The following HAUS8 variants were observed in gnomAD, a reference collection of about 807,000 sequenced individuals.
The protein encoded by HAUS8 is HAUS augmin like complex subunit 8, also known as HAUS augmin-like complex subunit 8.
HAUS8 carries 38 observed loss-of-function variants against 42.9 expected under a neutral mutation model. The observed-to-expected ratio is 0.89, with a 90% CI of 0.68 to 1.16. HAUS8 has a LOEUF of 1.16. HAUS8 is among the 50% of genes most tolerant of loss of function. The pLI is 0.00. For synonymous variants in HAUS8, 199 were observed against 205.8 expected (o/e 0.97, Z 0.28); for missense variants, 494 against 511.6 (o/e 0.97, Z 0.33).
chr19:17,050,072 C>T lies in HAUS8; in HGVS notation c.1034G>A (p.Arg345Gln), dbSNP rs768831665. The T allele has an allele frequency of 7.5e-6, 12 of 1,603,768 alleles. No homozygotes were observed. The highest frequency in any genetic ancestry group is 5.6e-5 in the South Asian group (5 of 89,750). The stretch of plus-strand genomic sequence containing the variant: ...GGCACTGTCTTGATTGAAATACCAC[C>T]GGCTGGGGGGCGCCATGCCCTGGGT... ...EETQGMAPPS[R>Q]WYFNQDSACR... is the part of the protein sequence containing the mutation. The change falls in exon 11 of 11, where the codon CGG becomes CAG. Residue 345 changes from arginine to glutamine, a missense_variant. Arg to Gln is a conservative substitution (Grantham distance 43, BLOSUM62 1). Transcript: ENST00000253669.
intron 10 of HAUS8, among the ~76,000 whole-genome samples, chr19:17,051,411 T>C (rs1241766463): frequency 6.7e-6 from 1 of 149,406 alleles, no homozygotes; most frequent in Non-Finnish European, 1.5e-5. Context: ...CGGGGGGAGA[T>C]CTTGATGGGT....
rs749416737 is a variant in HAUS8 at position 17,069,085 on chromosome 19, A to G, written c.93T>C (p.Gly31=). ...GATACCGGGACTCAATCACTCTTCC[A>G]CCTGTGGGGACACACTGTTGGTGCA... ...SAKKKDKRVQ[G]GRVIESRYLQ... Residue 31 remains glycine (G), a splice_region_variant and synonymous_variant, in exon 3 of 11, where the codon GGT becomes GGC. Coordinates refer to ENST00000253669, the MANE Select transcript of HAUS8 (RefSeq NM_033417.2). The G allele has an allele frequency of 2.7e-5, 44 of 1,612,534 alleles. No homozygotes were observed. The highest frequency in any genetic ancestry group is 3.6e-5 in the Non-Finnish European group (43 of 1,179,314).
intron 3 of HAUS8, among the ~76,000 whole-genome samples, chr19:17,065,960 T>C (rs571706333): frequency 1.5e-5 from 2 of 134,522 alleles, no homozygotes; most frequent in Admixed American, 8.2e-5. Flanking sequence ...ACTCTACACA[T>C]CTCTTATCTT....
At chr19:17,072,618 GC>G (rs2057434129) in intron 2 of HAUS8, among the ~76,000 whole-genome samples, 4 of 151,990 alleles carry the variant, frequency 2.6e-5, no homozygotes, top group Admixed American at 1.3e-4. Flanking sequence ...GGGATTACAG[GC>G]GTGAGCCACC....
At chr19:17,068,365 C>T (rs1401626569) in intron 3 of HAUS8, among the ~76,000 whole-genome samples, 4 of 152,090 alleles carry the variant, frequency 2.6e-5, no homozygotes, top group Non-Finnish European at 4.4e-5. Context: ...CCGCCCACCT[C>T]GGCCTCCCAA....
intron 3 of HAUS8, among the ~76,000 whole-genome samples, chr19:17,065,064 A>G (rs1203154718): frequency 6.6e-6 from 1 of 152,256 alleles, no homozygotes; most frequent in Non-Finnish European, 1.5e-5. Context: ...GCAAAGATAC[A>G]GGAATGGCAA....
At chr19:17,075,142 T>C (rs1386263420) in intron 1 of HAUS8, 6 of 552,814 alleles carry the variant, frequency 1.1e-5, no homozygotes, top group African/African-American at 7.6e-5. Context: ...AGCGAGGCAC[T>C]GGGCGGTCAG....
At chr19:17,075,184 C>G (rs1320104756) in intron 1 of HAUS8, 1 of 563,490 alleles carries the variant, frequency 1.8e-6, no homozygotes, top group African/African-American at 1.9e-5. Flanking sequence ...AGCGTCCCAG[C>G]CGAGGACGCG....
Position 17,059,411 on chromosome 19 carries a change from C to T in HAUS8, c.420+146G>A, listed in dbSNP as rs1012105414. 6.4e-6 allele frequency: 4 copies of T among 622,172 alleles called. No individual in the cohort carries two copies. The African/African-American group carries it at 7.4e-5, about 11-fold the overall frequency. 38.5% of individuals were successfully genotyped at this position (622,172 alleles called of 1,614,324 possible). A position where few individuals can be genotyped will look rare whatever the true frequency, so the allele number is the denominator to read the frequency against. On this transcript the variant is annotated intron_variant, in intron 6 of 10. Coordinates refer to ENST00000253669, the MANE Select transcript of HAUS8 (RefSeq NM_033417.2). ...GTAAACTCTACAAATGATCTAAGAA[C>T]ATCTGTAGTCTTGATTTTTGTCCTA...
intron 4 of HAUS8, among the ~76,000 whole-genome samples, chr19:17,061,035 A>C (rs1249413836): frequency 6.6e-6 from 1 of 152,208 alleles, no homozygotes; most frequent in Non-Finnish European, 1.5e-5. Flanking sequence ...TTGTGTTGAA[A>C]TTCTTAAAAA....
At chr19:17,065,878 A>G (rs1486757121) in intron 3 of HAUS8, among the ~76,000 whole-genome samples, 1 of 151,240 alleles carries the variant, frequency 6.6e-6, no homozygotes, top group Non-Finnish European at 1.5e-5. Context: ...GATAGCTAAC[A>G]CGTGGAGATT....
Position 17,049,981 on chromosome 19 carries a change from C to T in HAUS8, c.1125G>A (p.Ser375=), listed in dbSNP as rs1488584685. The T allele has an allele frequency of 2.2e-5, 35 of 1,600,560 alleles. No individual in the cohort carries two copies. Among genetic ancestry groups the T allele is most frequent in the Non-Finnish European group, 2.7e-5 (32 of 1,173,960 alleles). The change falls in exon 11 of 11, where the codon TCG becomes TCA. Residue 375 remains serine, a synonymous_variant. Coordinates refer to ENST00000253669, the MANE Select transcript of HAUS8 (RefSeq NM_033417.2). ...PLSEDDNPGA[S]SAPAQATFIS... Reference sequence around the variant, plus strand: ...TGAACGTGGCCTGAGCGGGGGCTGACGAGGCACCCGGGTTGTCGTCCTCAG... The same window carrying T: ...TGAACGTGGCCTGAGCGGGGGCTGATGAGGCACCCGGGTTGTCGTCCTCAG...
chr19:17,074,635 G>C (rs1200102052), intron 1 of HAUS8: 1 of 152,406 alleles, frequency 6.6e-6, no homozygotes, highest in Non-Finnish European at 1.5e-5. Flanking sequence ...AACCTGCTGC[G>C]ACCTGAGGGG....
At chr19:17,075,517 AG>A, upstream of HAUS8, 1 of 1,401,292 alleles carries the variant, frequency 7.1e-7, no homozygotes, top group Non-Finnish European at 1.0e-6. Flanking sequence ...GAGACGCAGG[AG>A]GGGTGGCTGC....
chr19:17,070,841 A>G (rs2057417417), intron 2 of HAUS8, among the ~76,000 whole-genome samples: 2 of 152,316 alleles, frequency 1.3e-5, no homozygotes, highest in Non-Finnish European at 2.9e-5. Flanking sequence ...AGGCCAAGGC[A>G]GGCGGATCAC....
In HAUS8 at chr19:17,049,957, G is replaced by C. The variant is rs1314156724; in HGVS notation, c.1149C>G (p.Phe383Leu). Residue 383 changes from phenylalanine (F) to leucine (L), a missense_variant, in exon 11 of 11, where the codon TTC (phenylalanine) becomes TTG (leucine). Physicochemically the swap from Phe to Leu is conservative, Grantham distance 22 (BLOSUM62 0). Coordinates refer to ENST00000253669, the MANE Select transcript of HAUS8 (RefSeq NM_033417.2). ...AAGAAAAATCTTCGCTTGGGCTGAT[G>C]AACGTGGCCTGAGCGGGGGCTGACG... ...GASSAPAQAT[F>L]ISPSEDFSSS... 6.3e-7 allele frequency: 1 copy of C among 1,577,750 alleles called. No individual in the cohort carries two copies. The highest frequency in any genetic ancestry group is 2.3e-5 in the East Asian group (1 of 43,852).
intron 8 of HAUS8, 48 bp downstream of exon 8, chr19:17,058,500 AG>A (rs776259142): frequency 6.6e-7 from 1 of 1,518,872 alleles, no homozygotes; most frequent in East Asian, 2.3e-5. Flanking sequence ...GAGATGGGAC[AG>A]ATTCACAGGG....
chr19:17,055,822 C>T (rs1367746114), intron 9 of HAUS8, 39 bp downstream of exon 9: 2 of 1,589,012 alleles, frequency 1.3e-6, no homozygotes, highest in Non-Finnish European at 1.7e-6. Context: ...GCTCCTCGCC[C>T]CGCCTGCTGC....
At chr19:17,051,139 C>T (rs1048902310) in intron 10 of HAUS8, among the ~76,000 whole-genome samples, 3 of 152,050 alleles carry the variant, frequency 2.0e-5, no homozygotes, top group Admixed American at 6.6e-5. Flanking sequence ...AACATTCTGC[C>T]GTTCATGGAT....
Sources: gnomAD v4.1 joint callset for allele counts (sites outside exome capture counted in the v4.1 genomes callset) on GRCh38, gnomAD v4.1.1 for gene constraint, MANE v1.5 for transcripts, NCBI Gene and HGNC (gene_info 2026-07-23, HGNC 2026-07-21) for gene names.